NRXN3: variants seen among roughly 807,000 people sequenced by gnomAD.
The protein encoded by NRXN3 is neurexin 3, also known as neurexin III.
Under a neutral mutation model 137.6 loss-of-function variants are expected in NRXN3, and 32 were observed. That is an observed-to-expected ratio of 0.23 (90% CI 0.18 to 0.31). The LOEUF is 0.31. Among genes scored for constraint, NRXN3 ranks in the 10% least tolerant of loss-of-function variants. The pLI is 1.00. For missense variants in NRXN3, 1,574 were observed against 2,062.5 expected, an observed-to-expected ratio of 0.76 and a Z score of 4.59; for synonymous variants, 798 against 784.5, an observed-to-expected ratio of 1.02 and a Z score of -0.29.
chr14:79,419,778 C>T (rs1370337882), intron 15 of NRXN3, among the ~76,000 whole-genome samples: 1 of 152,176 alleles, frequency 6.6e-6, no homozygotes, highest in Non-Finnish European at 1.5e-5. Context: ...CCCTCCCTGG[C>T]TTGACCTAAG....
At chr14:79,158,821 A>G (rs1458788403) in intron 15 of NRXN3, among the ~76,000 whole-genome samples, 1 of 151,860 alleles carries the variant, frequency 6.6e-6, no homozygotes, top group Non-Finnish European at 1.5e-5. Flanking sequence ...ATTCTTTTTG[A>G]CATTATTACC....
At chr14:79,446,926 CAGG>C (rs1203883707) in intron 15 of NRXN3, among the ~76,000 whole-genome samples, 10 of 152,120 alleles carry the variant, frequency 6.6e-5, no homozygotes, top group Non-Finnish European at 1.3e-4. Flanking sequence ...TTATGTTGTG[CAGG>C]AGATCTCCAT....
At chr14:78,697,014 C>T (rs1398734881) in intron 6 of NRXN3, among the ~76,000 whole-genome samples, 2 of 152,076 alleles carry the variant, frequency 1.3e-5, no homozygotes, top group Non-Finnish European at 2.9e-5. Flanking sequence ...GCAGACATTG[C>T]TCGTTGATCA....
At chr14:79,365,591 C>A (rs1412621763) in intron 15 of NRXN3, among the ~76,000 whole-genome samples, 1 of 150,528 alleles carries the variant, frequency 6.6e-6, no homozygotes, top group African/African-American at 2.4e-5. Context: ...CGGTGGCGGG[C>A]GCCTGTAGTC....
chr14:79,270,895 T>G (rs1404124167), intron 15 of NRXN3, among the ~76,000 whole-genome samples: 1 of 152,202 alleles, frequency 6.6e-6, no homozygotes, highest in Non-Finnish European at 1.5e-5. Context: ...TTCTCAATAC[T>G]ACTGAGAAAT....
At chr14:78,262,749 A>G (rs969573232) in intron 2 of NRXN3, among the ~76,000 whole-genome samples, 1 of 152,182 alleles carries the variant, frequency 6.6e-6, no homozygotes, top group African/African-American at 2.4e-5. Context: ...CAGAACATCT[A>G]AAAGGTTCTC....
intron 8 of NRXN3, among the ~76,000 whole-genome samples, chr14:78,778,706 CTTTCTT>C: frequency 6.9e-6 from 1 of 145,432 alleles, no homozygotes; most frequent in South Asian, 2.2e-4. Context: ...TTCTTTCTTT[CTTTCTT>C]TCTTTCTTTC....
intron 16 of NRXN3, among the ~76,000 whole-genome samples, chr14:79,529,067 C>T (rs916371374): frequency 3.3e-5 from 5 of 152,160 alleles, no homozygotes; most frequent in African/African-American, 1.2e-4. Flanking sequence ...CGAAACCTCT[C>T]AGACACCAAA....
At chr14:79,283,305 G>T (rs528092125) in intron 15 of NRXN3, among the ~76,000 whole-genome samples, 7 of 152,268 alleles carry the variant, frequency 4.6e-5, no homozygotes, top group African/African-American at 1.7e-4. Flanking sequence ...GGACTTAAGA[G>T]ATTGTTGTTT....
intron 16 of NRXN3, among the ~76,000 whole-genome samples, chr14:79,635,270 T>C (rs895607191): frequency 6.6e-6 from 1 of 152,122 alleles, no homozygotes. Context: ...AGAAAACCAG[T>C]AAGCAAATGC....
chr14:78,809,434 G>A (rs1448136048), intron 9 of NRXN3, among the ~76,000 whole-genome samples: 1 of 152,202 alleles, frequency 6.6e-6, no homozygotes, highest in Non-Finnish European at 1.5e-5. Flanking sequence ...TGCGTATTCA[G>A]GCAGGAAGAC....
chr14:79,424,353 C>T (rs4640109), intron 15 of NRXN3, among the ~76,000 whole-genome samples: 42,307 of 151,770 alleles, frequency 0.28, 6,512 homozygotes, highest in South Asian at 0.42. Flanking sequence ...GATTTACCTC[C>T]TAATCTTTAC....
At chr14:78,787,232 A>G (rs1210619363) in intron 8 of NRXN3, among the ~76,000 whole-genome samples, 1 of 152,180 alleles carries the variant, frequency 6.6e-6, no homozygotes, top group East Asian at 1.9e-4. Context: ...GCCAGGAAGA[A>G]AGTATATTTT....
chr14:79,177,378 T>C (rs938689006), intron 15 of NRXN3, among the ~76,000 whole-genome samples: 1 of 152,208 alleles, frequency 6.6e-6, no homozygotes, highest in Admixed American at 6.5e-5. Flanking sequence ...GCTTTAAAAT[T>C]AGAAAATGTG....
chr14:79,641,694 G>A lies in NRXN3; in HGVS notation c.3445-22084G>A, dbSNP rs112718373. Among the ~76,000 whole-genome samples the A allele has an allele frequency of 6.4e-4, 87 of 135,050 alleles. 4 individuals are homozygous for A. The highest frequency in any genetic ancestry group is 2.0e-3 in the African/African-American group (83 of 40,726). 88.6% of individuals were successfully genotyped at this position (135,050 alleles called of 152,430 possible). On this transcript the variant is annotated intron_variant, in intron 16 of 20. Transcript: ENST00000335750. ...TCTATCCAGGGCTTAGTCTTTCATGGTACATTTCTGCAGCACACAAAGGCT... is the reference window on the plus strand; with the variant it reads ...TCTATCCAGGGCTTAGTCTTTCATGATACATTTCTGCAGCACACAAAGGCT...
intron 15 of NRXN3, among the ~76,000 whole-genome samples, chr14:79,224,861 A>T (rs1294745510): frequency 6.6e-6 from 1 of 152,218 alleles, no homozygotes; most frequent in Non-Finnish European, 1.5e-5. Flanking sequence ...GCTGCCAACT[A>T]CCAACAGCTA....
At chr14:79,818,129 C>G (rs568273553) in intron 20 of NRXN3, among the ~76,000 whole-genome samples, 1 of 144,376 alleles carries the variant, frequency 6.9e-6, no homozygotes, top group Admixed American at 7.1e-5. Context: ...TCTCGGCTCA[C>G]TGCAAGCTCC....
In NRXN3 at chr14:78,829,262, C is replaced by T. The variant is rs145432197; in HGVS notation, c.2275+18918C>T. On this transcript the variant is annotated intron_variant, in intron 10 of 20. Transcript: ENST00000335750. Reference sequence around the variant, plus strand: ...TCTTAGTCACTTGTGGAGGCAAATTCGCAGGTTATCTGCAGCCTTTCATGT... The same window carrying T: ...TCTTAGTCACTTGTGGAGGCAAATTTGCAGGTTATCTGCAGCCTTTCATGT... Among the ~76,000 whole-genome samples the T allele has an allele frequency of 5.0e-4, 76 of 152,240 alleles. 1 individual carries two copies. Among genetic ancestry groups the T allele is most frequent in the Middle Eastern group, 3.4e-3 (1 of 294 alleles).
intron 4 of NRXN3, among the ~76,000 whole-genome samples, chr14:78,322,881 C>T (rs569992005): frequency 1.4e-4 from 22 of 152,030 alleles, no homozygotes; most frequent in Non-Finnish European, 2.2e-4. Context: ...CTTAGAATGT[C>T]GTGCTGCTTT....
Sources: allele counts gnomAD v4.1 joint callset (sites outside exome capture counted in the v4.1 genomes callset), GRCh38; gene constraint gnomAD v4.1.1; transcripts MANE v1.5; gene names NCBI Gene and HGNC (gene_info 2026-07-23, HGNC 2026-07-21).